SUCLG2: variants seen among roughly 807,000 people sequenced by gnomAD.
The protein encoded by SUCLG2 is succinate--CoA ligase [GDP-forming] subunit beta, mitochondrial.
In SUCLG2, 42 loss-of-function variants were observed where a neutral mutation model predicts 47.9. The ratio of observed to expected loss-of-function variants is 0.88; its 90% CI spans 0.69 to 1.14. The LOEUF is 1.14. Among genes scored for constraint, SUCLG2 ranks in the 50% most tolerant of loss-of-function variants. The pLI is 0.00. For missense variants in SUCLG2, 571 were observed against 525.9 expected, an observed-to-expected ratio of 1.09 and a Z score of -0.84; for synonymous variants, 195 against 197.3, an observed-to-expected ratio of 0.99 and a Z score of 0.10.
intron 1 of SUCLG2, among the ~76,000 whole-genome samples, chr3:67,652,447 G>A (rs898079122): frequency 6.6e-6 from 1 of 152,162 alleles, no homozygotes; most frequent in African/African-American, 2.4e-5. Context: ...ATGTTTAACT[G>A]CAATGTCTGC....
chr3:67,495,861 A>C lies in SUCLG2; in HGVS notation c.999T>G (p.Leu333=), dbSNP rs1705323627. The C allele has an allele frequency of 6.2e-7, 1 of 1,614,110 alleles. No individual in the cohort carries two copies. The highest frequency in any genetic ancestry group is 1.1e-5 in the South Asian group (1 of 91,080). ...NGGKPANFLD[L]GGGVKEAQVY... is the part of the protein sequence containing the mutation. The stretch of plus-strand genomic sequence containing the variant: ...CTTGAGCTTCCTTTACACCACCTCC[A>C]AGATCCAAGAAGTTGGCTGGCTTCC... The change falls in exon 9 of 11, where the codon CTT becomes CTG. Residue 333 remains leucine, a synonymous_variant. Transcript: ENST00000307227.
chr3:67,466,485 C>T (rs1427748669), intron 9 of SUCLG2, among the ~76,000 whole-genome samples: 2 of 152,220 alleles, frequency 1.3e-5, no homozygotes, highest in East Asian at 3.8e-4. Context: ...CTGCCTCCAT[C>T]TATCTAACTG....
At chr3:67,528,315 A>C (rs1706311003) in intron 3 of SUCLG2, 93 bp from the exon 4 acceptor site, 4 of 1,128,094 alleles carry the variant, frequency 3.5e-6, no homozygotes, top group African/African-American at 3.1e-5. Flanking sequence ...TACACTGCAA[A>C]GGGTTCACCT....
intron 6 of SUCLG2, among the ~76,000 whole-genome samples, chr3:67,512,305 A>G (rs1030301787): frequency 1.3e-5 from 2 of 151,022 alleles, no homozygotes; most frequent in Non-Finnish European, 2.9e-5. Flanking sequence ...TTTTTAATCC[A>G]AATAAAATTT....
chr3:67,360,641 A>T (rs1575649042), exon 11 of SUCLG2: 5 of 1,508,818 alleles, frequency 3.3e-6, no homozygotes, highest in East Asian at 2.5e-5. Flanking sequence ...AACATAAAAA[A>T]ATGCTGATGG....
intron 1 of SUCLG2, among the ~76,000 whole-genome samples, chr3:67,609,823 T>C (rs1366073379): frequency 6.6e-6 from 1 of 152,106 alleles, no homozygotes; most frequent in Non-Finnish European, 1.5e-5. Flanking sequence ...TTTTTAAAAA[T>C]GCTGAAAGCT....
At chr3:67,474,104 A>G (rs1293134315) in intron 9 of SUCLG2, among the ~76,000 whole-genome samples, 2 of 151,968 alleles carry the variant, frequency 1.3e-5, no homozygotes, top group Non-Finnish European at 2.9e-5. Context: ...AAAATACAAA[A>G]ACAAAATTAT....
rs920868819 is a variant in SUCLG2, at chr3:67,542,218, T to C, written c.227-13032A>G. 2.6e-5 allele frequency among the ~76,000 whole-genome samples: 4 copies of C among 152,064 alleles called. No individual in the cohort carries two copies. The East Asian group carries it at 5.8e-4, about 22-fold the overall frequency. Reference sequence around the variant, plus strand: ...AGAATTTTCAACCCAGAATTTCATATCCAGCCAAACTAAGTTTCATAAACG... The same window carrying C: ...AGAATTTTCAACCCAGAATTTCATACCCAGCCAAACTAAGTTTCATAAACG... On this transcript the variant is annotated intron_variant, in intron 2 of 10. Coordinates refer to ENST00000307227, the MANE Select transcript of SUCLG2 (RefSeq NM_003848.4).
At chr3:67,422,884 G>C (rs1308592601) in intron 9 of SUCLG2, among the ~76,000 whole-genome samples, 1 of 152,122 alleles carries the variant, frequency 6.6e-6, no homozygotes, top group African/African-American at 2.4e-5. Context: ...TACTCAGAAG[G>C]TTGTGAGGAC....
intron 1 of SUCLG2, among the ~76,000 whole-genome samples, chr3:67,641,963 G>T (rs1701108894): frequency 6.6e-6 from 1 of 152,266 alleles, no homozygotes; most frequent in East Asian, 1.9e-4. Context: ...CCCTGGGCGT[G>T]TGTGCCCGAG....
At chr3:67,580,354 C>A (rs991537345) in intron 2 of SUCLG2, among the ~76,000 whole-genome samples, 3 of 152,186 alleles carry the variant, frequency 2.0e-5, no homozygotes, top group Non-Finnish European at 2.9e-5. Flanking sequence ...ACACCACAAA[C>A]TGACAAAAGT....
chr3:67,361,414 G>A (rs1490652162), intron 10 of SUCLG2, among the ~76,000 whole-genome samples: 1 of 152,186 alleles, frequency 6.6e-6, no homozygotes, highest in Non-Finnish European at 1.5e-5. Context: ...TGTGAATCAT[G>A]AGCACACCAC....
chr3:67,564,438 AC>A (rs1253035797), intron 2 of SUCLG2, among the ~76,000 whole-genome samples: 1 of 152,250 alleles, frequency 6.6e-6, no homozygotes, highest in Non-Finnish European at 1.5e-5. Context: ...AGCATGGCAA[AC>A]TGTATTAGTG....
intron 10 of SUCLG2, among the ~76,000 whole-genome samples, chr3:67,398,596 T>G (rs1439472099): frequency 1.3e-5 from 2 of 152,056 alleles, no homozygotes; most frequent in East Asian, 3.9e-4. Context: ...GTTCAACCAT[T>G]GTGGAAGTCA....
intron 10 of SUCLG2, among the ~76,000 whole-genome samples, chr3:67,379,401 T>C (rs1288442607): frequency 6.6e-6 from 1 of 152,176 alleles, no homozygotes; most frequent in Non-Finnish European, 1.5e-5. Context: ...CAGATCCTGC[T>C]CTTTCTGGAG....
At chr3:67,552,281 T>C (rs1030733902) in intron 2 of SUCLG2, among the ~76,000 whole-genome samples, 8 of 151,498 alleles carry the variant, frequency 5.3e-5, no homozygotes, top group Non-Finnish European at 1.0e-4. Context: ...GCTGTGCCCA[T>C]CACGTATCTC....
chr3:67,605,364 C>A (rs1255739652), intron 2 of SUCLG2, among the ~76,000 whole-genome samples: 1 of 152,136 alleles, frequency 6.6e-6, no homozygotes, highest in East Asian at 1.9e-4. Context: ...GATGTGCACA[C>A]AATTTTTATA....
intron 9 of SUCLG2, among the ~76,000 whole-genome samples, chr3:67,475,133 A>G (rs1283470851): frequency 6.6e-6 from 1 of 152,178 alleles, no homozygotes; most frequent in African/African-American, 2.4e-5. Flanking sequence ...ACAAAATATT[A>G]CCCTACATAC....
At chr3:67,448,051 A>G (rs768546856) in intron 9 of SUCLG2, among the ~76,000 whole-genome samples, 1 of 152,228 alleles carries the variant, frequency 6.6e-6, no homozygotes. Flanking sequence ...TTCAAAAAGT[A>G]GATAACAATT....
Sources: allele counts gnomAD v4.1 joint callset (sites outside exome capture counted in the v4.1 genomes callset), GRCh38; gene constraint gnomAD v4.1.1; transcripts MANE v1.5; gene names NCBI Gene and HGNC (gene_info 2026-07-23, HGNC 2026-07-21).